Variants in IMMP2L observed in about 807,000 individuals in gnomAD.
The protein encoded by IMMP2L is inner mitochondrial membrane peptidase subunit 2.
In IMMP2L, 18 loss-of-function variants were observed where a neutral mutation model predicts 19.3. The ratio of observed to expected loss-of-function variants is 0.93; its 90% CI spans 0.64 to 1.38. The LOEUF is 1.38. IMMP2L is among the 40% of genes most tolerant of loss of function. The pLI is 0.00. For synonymous variants in IMMP2L, 76 were observed against 73.0 expected (o/e 1.04, Z -0.21); for missense variants, 233 against 218.2 (o/e 1.07, Z -0.43).
At chr7:110,901,908 T>C (rs887320367) in intron 4 of IMMP2L, among the ~76,000 whole-genome samples, 16 of 152,276 alleles carry the variant, frequency 1.1e-4, no homozygotes, top group Middle Eastern at 3.4e-3. Context: ...CAGAATTAGA[T>C]ACATGGCAGA....
intron 3 of IMMP2L, among the ~76,000 whole-genome samples, chr7:111,318,243 C>T (rs1824314784): frequency 6.6e-6 from 1 of 152,126 alleles, no homozygotes; most frequent in Non-Finnish European, 1.5e-5. Flanking sequence ...TTGATTCTCT[C>T]CTCAAAGCAG....
chr7:110,886,288 C>T (rs1341880694), intron 5 of IMMP2L, among the ~76,000 whole-genome samples: 1 of 151,844 alleles, frequency 6.6e-6, no homozygotes, highest in Admixed American at 6.6e-5. Flanking sequence ...ACAAAGTATT[C>T]CCGTGGGAGA....
rs1352590512 is a variant in IMMP2L, at chr7:111,048,243, A to AC, written c.240-84679_240-84678insG. On this transcript the variant is annotated intron_variant, in intron 3 of 5. Transcript: ENST00000405709. ...GACAGAGCGAGACTCTGTCTCAAAA[A>AC]AAAAAAAAAAAAAAAAAAAAAAGAA... Among the ~76,000 whole-genome samples the AC allele has an allele frequency of 1.0e-4, 13 of 126,980 alleles. 1 individual carries two copies. In the East Asian group the frequency reaches 3.2e-3, roughly 31 times the overall value. The allele number at this position is 126,980 out of a possible 152,430, so 83.3% of individuals were successfully genotyped here.
At position 111,128,812 on chromosome 7, in the gene IMMP2L, A is replaced by C. The variant is rs531390778; in HGVS notation, c.240-165247T>G. 2.0e-5 allele frequency among the ~76,000 whole-genome samples: 3 copies of C among 152,328 alleles called. No homozygotes were observed. In the South Asian group the frequency reaches 6.2e-4, roughly 32 times the overall value. On this transcript the variant is annotated intron_variant, in intron 3 of 5. Coordinates refer to ENST00000405709, the MANE Select transcript of IMMP2L (RefSeq NM_032549.4). The stretch of plus-strand genomic sequence containing the variant: ...TGCATGCCACGCTGGCAACAGAGTG[A>C]GACTCCGTCTCAAAAAAAAGAGGCA...
intron 3 of IMMP2L, among the ~76,000 whole-genome samples, chr7:111,105,759 AG>A (rs1798477884): frequency 1.3e-5 from 2 of 151,886 alleles, no homozygotes; most frequent in African/African-American, 4.8e-5. Context: ...AAAGGTGAAA[AG>A]AAAAAAAAAT....
At chr7:110,671,818 T>C (rs1791941224) in intron 5 of IMMP2L, among the ~76,000 whole-genome samples, 1 of 151,942 alleles carries the variant, frequency 6.6e-6, no homozygotes, top group South Asian at 2.1e-4. Context: ...TGAGTTGGGA[T>C]AGAGGAAAAA....
intron 5 of IMMP2L, among the ~76,000 whole-genome samples, chr7:110,869,437 C>A (rs1049348517): frequency 3.3e-5 from 5 of 152,142 alleles, no homozygotes; most frequent in African/African-American, 9.6e-5. Context: ...ACCTAATCAA[C>A]AATTACACAC....
intron 5 of IMMP2L, among the ~76,000 whole-genome samples, chr7:110,876,092 A>G (rs1033162171): frequency 2.6e-5 from 4 of 152,128 alleles, no homozygotes; most frequent in Non-Finnish European, 4.4e-5. Context: ...AACTTCCCAC[A>G]ATGTGTTGAT....
At chr7:111,380,970 T>G (rs1831143571) in intron 3 of IMMP2L, among the ~76,000 whole-genome samples, 1 of 151,832 alleles carries the variant, frequency 6.6e-6, no homozygotes, top group East Asian at 1.9e-4. Context: ...ATTTTCCATG[T>G]TTCCAGAATG....
chr7:111,147,979 T>C (rs1205962719), intron 3 of IMMP2L, among the ~76,000 whole-genome samples: 1 of 152,066 alleles, frequency 6.6e-6, no homozygotes, highest in Non-Finnish European at 1.5e-5. Context: ...ACAGTTACCA[T>C]ATGACCCAGC....
chr7:111,328,365 G>A (rs769398798), intron 3 of IMMP2L, among the ~76,000 whole-genome samples: 13 of 151,584 alleles, frequency 8.6e-5, no homozygotes, highest in Non-Finnish European at 1.6e-4. Flanking sequence ...AACTAAATAG[G>A]AGCCCACAGA....
At chr7:111,437,225 C>T (rs1837268265) in intron 3 of IMMP2L, among the ~76,000 whole-genome samples, 1 of 151,772 alleles carries the variant, frequency 6.6e-6, no homozygotes, top group African/African-American at 2.4e-5. Context: ...GCGGGTGGAT[C>T]ACCTGAGGTC....
chr7:110,819,102 A>G (rs916113598), intron 5 of IMMP2L, among the ~76,000 whole-genome samples: 1 of 148,306 alleles, frequency 6.7e-6, no homozygotes, highest in Admixed American at 6.8e-5. Flanking sequence ...TAAAACTTAA[A>G]GTATAATAAT....
intron 3 of IMMP2L, among the ~76,000 whole-genome samples, chr7:111,219,403 C>T (rs1206801897): frequency 6.6e-6 from 1 of 151,714 alleles, no homozygotes; most frequent in South Asian, 2.1e-4. Context: ...GGCCTAGGAC[C>T]CTAAATTTTA....
intron 3 of IMMP2L, among the ~76,000 whole-genome samples, chr7:111,267,527 C>T (rs1817960100): frequency 6.6e-6 from 1 of 152,032 alleles, no homozygotes; most frequent in African/African-American, 2.4e-5. Flanking sequence ...TAAACATGGC[C>T]TCAAAGGAAA....
intron 3 of IMMP2L, among the ~76,000 whole-genome samples, chr7:111,113,859 T>G (rs1799529203): frequency 6.6e-6 from 1 of 152,086 alleles, no homozygotes. Context: ...CCACACTAAC[T>G]TCTCAAATAA....
intron 5 of IMMP2L, among the ~76,000 whole-genome samples, chr7:110,669,102 T>TAG (rs1316235703): frequency 7.7e-4 from 109 of 142,388 alleles, no homozygotes; most frequent in African/African-American, 2.7e-3. Context: ...TATGTATATA[T>TAG]ATATATAGAG....
chr7:111,281,864 A>G (rs1260715057), intron 3 of IMMP2L, among the ~76,000 whole-genome samples: 1 of 152,222 alleles, frequency 6.6e-6, no homozygotes, highest in Non-Finnish European at 1.5e-5. Flanking sequence ...GAAAGAGACC[A>G]CAGGAATGGT....
At chr7:111,086,572 GTTCAACA>G in intron 3 of IMMP2L, among the ~76,000 whole-genome samples, 1 of 152,258 alleles carries the variant, frequency 6.6e-6, no homozygotes, top group South Asian at 2.1e-4. Context: ...ACTTGCTTTA[GTTCAACA>G]TTCTAACAAA....
Sources: gnomAD v4.1 joint callset for allele counts (sites outside exome capture counted in the v4.1 genomes callset) on GRCh38, gnomAD v4.1.1 for gene constraint, MANE v1.5 for transcripts, NCBI Gene and HGNC (gene_info 2026-07-23, HGNC 2026-07-21) for gene names.